SKAP2: variants seen among roughly 807,000 people sequenced by gnomAD.
SKAP2 encodes the protein src kinase-associated phosphoprotein 2.
A neutral mutation model predicts 54.9 loss-of-function variants in SKAP2; 28 were observed. That is an observed-to-expected ratio of 0.51 (90% confidence interval 0.38 to 0.70). SKAP2 has a LOEUF of 0.70. Ranked by LOEUF, SKAP2 falls within the 30% of genes least tolerant of loss-of-function variation. The probability of loss-of-function intolerance (pLI) is 0.00; values close to 1 mark genes in which losing one functional copy is unlikely to be tolerated. For missense variants in SKAP2, 356 were observed against 424.1 expected (o/e 0.84, Z 1.41); for synonymous variants, 137 against 134.3 (o/e 1.02, Z -0.14).
intron 4 of SKAP2, among the ~76,000 whole-genome samples, chr7:26,819,044 C>G (rs1347142399): frequency 6.6e-6 from 1 of 152,070 alleles, no homozygotes; most frequent in Non-Finnish European, 1.5e-5. Flanking sequence ...ACCAGAAATA[C>G]CATTTGACCC....
chr7:26,816,243 T>C lies in SKAP2; in HGVS notation c.307+27787A>G, dbSNP rs192761459. Among the ~76,000 whole-genome samples, 9 of 152,280 alleles carry C rather than the reference T, an allele frequency of 5.9e-5. No individual in the cohort carries two copies. In the East Asian group the frequency reaches 1.4e-3, roughly 23 times the overall value. On this transcript the variant is annotated intron_variant, in intron 4 of 12. Transcript: ENST00000345317. ...ACACGGTAGATAAAAGATAAGTGCA[T>C]TGTTAATTTATGCAATTATGAAAAA...
At chr7:26,736,612 T>A (rs1352132348) in intron 6 of SKAP2, among the ~76,000 whole-genome samples, 1 of 152,230 alleles carries the variant, frequency 6.6e-6, no homozygotes, top group Admixed American at 6.5e-5. Context: ...ACTTTCTTAA[T>A]AAACTTGCTT....
intron 4 of SKAP2, among the ~76,000 whole-genome samples, chr7:26,792,583 T>C (rs1158483257): frequency 6.6e-6 from 1 of 152,196 alleles, no homozygotes; most frequent in Non-Finnish European, 1.5e-5. Context: ...TGGAAAACTA[T>C]GAAACATCAA....
chr7:26,800,846 C>G (rs1783896891), intron 4 of SKAP2, among the ~76,000 whole-genome samples: 1 of 152,078 alleles, frequency 6.6e-6, no homozygotes, highest in Non-Finnish European at 1.5e-5. Flanking sequence ...AAGATTGAAG[C>G]TGTAATAAAA....
chr7:26,820,454 T>C (rs1192578913), intron 4 of SKAP2, among the ~76,000 whole-genome samples: 1 of 149,202 alleles, frequency 6.7e-6, no homozygotes, highest in Non-Finnish European at 1.5e-5. Flanking sequence ...ATTATCTACA[T>C]TTTAAATCCA....
At chr7:26,700,579 T>C (rs1584338967) in intron 9 of SKAP2, among the ~76,000 whole-genome samples, 1 of 152,194 alleles carries the variant, frequency 6.6e-6, no homozygotes, top group Admixed American at 6.5e-5. Flanking sequence ...TCCCAGAGAA[T>C]GGCTTGGAGC....
At chr7:26,768,051 A>C (rs146324379) in intron 4 of SKAP2, among the ~76,000 whole-genome samples, 1,805 of 152,278 alleles carry the variant, frequency 0.012, 36 homozygotes, top group African/African-American at 0.041. Flanking sequence ...TAATATTGAC[A>C]GTGGAGTGTT....
chr7:26,774,209 A>G (rs1452399670), intron 4 of SKAP2, among the ~76,000 whole-genome samples: 1 of 152,140 alleles, frequency 6.6e-6, no homozygotes. Context: ...GCTACTCAGG[A>G]GGCTGAGGCA....
At chr7:26,733,276 A>G (rs1285245816) in intron 6 of SKAP2, among the ~76,000 whole-genome samples, 1 of 152,096 alleles carries the variant, frequency 6.6e-6, no homozygotes, top group Non-Finnish European at 1.5e-5. Flanking sequence ...TCCTTCACAT[A>G]CCAGATGGAA....
chr7:26,838,262 A>G (rs1169226760), intron 4 of SKAP2, among the ~76,000 whole-genome samples: 1 of 152,008 alleles, frequency 6.6e-6, no homozygotes, highest in Non-Finnish European at 1.5e-5. Context: ...TTCAGCTCCT[A>G]CTATAAATCA....
At chr7:26,687,045 T>TA (rs1485026924) in intron 10 of SKAP2, among the ~76,000 whole-genome samples, 1 of 151,940 alleles carries the variant, frequency 6.6e-6, no homozygotes, top group Admixed American at 6.6e-5. Context: ...CAGATTCTCT[T>TA]ACAATAGTTT....
chr7:26,809,151 C>A (rs545056403), intron 4 of SKAP2, among the ~76,000 whole-genome samples: 8 of 152,122 alleles, frequency 5.3e-5, no homozygotes, highest in Non-Finnish European at 1.0e-4. Flanking sequence ...CGGTGGCTCA[C>A]GCCTGTAATC....
rs575191256 is a variant in SKAP2 at position 26,852,595 on chromosome 7, C to A, written c.199+1542G>T. On this transcript the variant is annotated intron_variant, in intron 3 of 12. Coordinates refer to ENST00000345317, the MANE Select transcript of SKAP2 (RefSeq NM_003930.5). The stretch of plus-strand genomic sequence containing the variant: ...TTTATGCTCATTTTTCAATTTCTAT[C>A]AAATACCATATAAATTTCCATTCTC... 1.1e-4 allele frequency among the ~76,000 whole-genome samples: 16 copies of A among 152,176 alleles called. No individual in the cohort carries two copies. The South Asian group carries it at 3.3e-3, about 32-fold the overall frequency.
At chr7:26,837,299 C>T (rs568226562) in intron 4 of SKAP2, among the ~76,000 whole-genome samples, 6 of 152,066 alleles carry the variant, frequency 3.9e-5, no homozygotes, top group Admixed American at 1.3e-4. Context: ...CAAACCTGCA[C>T]GCTCTGCACA....
At chr7:26,748,675 A>G (rs1411424094) in intron 4 of SKAP2, among the ~76,000 whole-genome samples, 1 of 152,164 alleles carries the variant, frequency 6.6e-6, no homozygotes, top group African/African-American at 2.4e-5. Flanking sequence ...ATGAGATGCA[A>G]GCTTAAAATG....
chr7:26,759,474 T>C (rs568833686), intron 4 of SKAP2, among the ~76,000 whole-genome samples: 1 of 152,234 alleles, frequency 6.6e-6, no homozygotes, highest in South Asian at 2.1e-4. Flanking sequence ...TTGAGCCCTC[T>C]CTTTATCCCA....
chr7:26,854,247 T>C, intron 2 of SKAP2, 85 bp from the exon 3 acceptor site: 1 of 850,786 alleles, frequency 1.2e-6, no homozygotes, highest in Non-Finnish European at 1.8e-6. Flanking sequence ...ATCCAAAATC[T>C]ATATTAAAAA....
At chr7:26,774,362 C>T (rs1783255321) in intron 4 of SKAP2, among the ~76,000 whole-genome samples, 1 of 151,972 alleles carries the variant, frequency 6.6e-6, no homozygotes, top group Admixed American at 6.6e-5. Flanking sequence ...ACTTTGAAGA[C>T]AGAAAGTCTT....
chr7:26,758,064 T>C (rs769733222), intron 4 of SKAP2, among the ~76,000 whole-genome samples: 7 of 152,246 alleles, frequency 4.6e-5, no homozygotes, highest in Non-Finnish European at 1.0e-4. Context: ...TCCAGCATGA[T>C]ACACTATTTT....
Sources: gnomAD v4.1 joint callset for allele counts (sites outside exome capture counted in the v4.1 genomes callset) on GRCh38, gnomAD v4.1.1 for gene constraint, MANE v1.5 for transcripts, NCBI Gene and HGNC (gene_info 2026-07-23, HGNC 2026-07-21) for gene names.